DTWD2: variants seen among roughly 807,000 people sequenced by gnomAD.
DTWD2 encodes the protein tRNA-uridine aminocarboxypropyltransferase 2.
In DTWD2, 39 loss-of-function variants were observed where a neutral mutation model predicts 31.8. That is an observed-to-expected ratio of 1.22 (90% CI 0.95 to 1.60). DTWD2 has a LOEUF of 1.60. Ranked by LOEUF, DTWD2 falls within the 40% of genes most tolerant of loss-of-function variation. DTWD2 has a pLI of 0.00. For missense variants in DTWD2, 515 were observed against 381.5 expected (o/e 1.35, Z -2.92); for synonymous variants, 180 against 142.8 (o/e 1.26, Z -1.86).
intron 1 of DTWD2, among the ~76,000 whole-genome samples, chr5:118,953,520 C>T (rs530912155): frequency 6.6e-6 from 1 of 152,182 alleles, no homozygotes; most frequent in African/African-American, 2.4e-5. Flanking sequence ...CTAAGCAACA[C>T]TGTATGTGAT....
chr5:118,971,720 A>C (rs1230731432), intron 1 of DTWD2, among the ~76,000 whole-genome samples: 2 of 152,212 alleles, frequency 1.3e-5, no homozygotes, highest in South Asian at 4.1e-4. Context: ...AAAATTGATC[A>C]CATAATTGGA....
chr5:118,949,180 T>C (rs530426662), intron 1 of DTWD2, among the ~76,000 whole-genome samples: 13 of 152,218 alleles, frequency 8.5e-5, no homozygotes, highest in Middle Eastern at 3.4e-3. Context: ...AAATATTGAA[T>C]AAAGTGAGAA....
intron 4 of DTWD2, among the ~76,000 whole-genome samples, chr5:118,861,738 C>T (rs746780677): frequency 6.6e-6 from 1 of 151,774 alleles, no homozygotes; most frequent in African/African-American, 2.4e-5. Context: ...GTCAGTATAG[C>T]GAAAAGAGCA....
rs550317696 is a variant in DTWD2 at position 118,884,962 on chromosome 5, C to T, written c.598-36744G>A. Among the ~76,000 whole-genome samples the T allele has an allele frequency of 5.1e-3, 712 of 138,494 alleles. 8 individuals carry two copies. Among genetic ancestry groups the T allele is most frequent in the African/African-American group, 0.019 (673 of 35,004 alleles). 90.9% of individuals were successfully genotyped at this position (138,494 alleles called of 152,430 possible). A position where few individuals can be genotyped will look rare whatever the true frequency, so the allele number is the denominator to read the frequency against. On this transcript the variant is annotated intron_variant, in intron 4 of 5. Transcript: ENST00000510708. ...AGTGAGCCGAGACTACGCCACTGCA[C>T]TCCAGTCTGGGGGACAGAGTGAGAC... is the stretch of plus-strand genomic sequence containing the variant.
Position 118,899,528 on chromosome 5 carries a change from GT to G in DTWD2, c.597+29008del, listed in dbSNP as rs1379323828. ...ACAAGCACTGACTGCATACATAAGC[GT>G]TTTCTGGAAGCCGAATATATATACC... On this transcript the variant is annotated intron_variant, in intron 4 of 5. Transcript: ENST00000510708. Among the ~76,000 whole-genome samples the G allele has an allele frequency of 7.9e-5, 12 of 152,158 alleles. No homozygotes were observed. The South Asian group carries it at 2.3e-3, about 29-fold the overall frequency.
intron 4 of DTWD2, among the ~76,000 whole-genome samples, chr5:118,919,546 T>C (rs1202335886): frequency 6.6e-6 from 1 of 152,244 alleles, no homozygotes; most frequent in East Asian, 1.9e-4. Context: ...AAGTGTTCTA[T>C]GCTCAAAAAA....
chr5:118,911,221 T>C (rs1753451840), intron 4 of DTWD2, among the ~76,000 whole-genome samples: 1 of 152,214 alleles, frequency 6.6e-6, no homozygotes, highest in Non-Finnish European at 1.5e-5. Context: ...ATTGTGCCAC[T>C]GGAGCACCCG....
chr5:118,850,114 G>A (rs1430322359), intron 4 of DTWD2, among the ~76,000 whole-genome samples: 1 of 151,728 alleles, frequency 6.6e-6, no homozygotes, highest in Non-Finnish European at 1.5e-5. Context: ...GGGATAACTG[G>A]TTAACTATAT....
intron 1 of DTWD2, among the ~76,000 whole-genome samples, chr5:118,978,779 G>A (rs969660277): frequency 6.6e-6 from 1 of 152,120 alleles, no homozygotes; most frequent in East Asian, 1.9e-4. Context: ...GCCAAGGAGG[G>A]TGGATCACTT....
At chr5:118,899,687 T>C (rs762804395) in intron 4 of DTWD2, among the ~76,000 whole-genome samples, 3 of 152,198 alleles carry the variant, frequency 2.0e-5, no homozygotes, top group Non-Finnish European at 2.9e-5. Context: ...CCTGTCATTA[T>C]GCCCTCCCTA....
At chr5:118,897,376 C>T (rs1289344671) in intron 4 of DTWD2, among the ~76,000 whole-genome samples, 3 of 152,184 alleles carry the variant, frequency 2.0e-5, no homozygotes, top group African/African-American at 7.2e-5. Flanking sequence ...GGAGGTTAGT[C>T]ACCTAGGCAC....
At chr5:118,878,897 T>C (rs991548434) in intron 4 of DTWD2, among the ~76,000 whole-genome samples, 4 of 152,100 alleles carry the variant, frequency 2.6e-5, no homozygotes, top group African/African-American at 9.7e-5. Flanking sequence ...AAGCTCAATA[T>C]CACTGATCAT....
chr5:118,845,845 C>CT (rs922517003), intron 5 of DTWD2, among the ~76,000 whole-genome samples: 14 of 151,888 alleles, frequency 9.2e-5, no homozygotes, highest in Non-Finnish European at 1.3e-4. Flanking sequence ...ATAAGGATTC[C>CT]TTTTTTTTGT....
At chr5:118,894,705 G>A (rs1753043933) in intron 4 of DTWD2, among the ~76,000 whole-genome samples, 1 of 152,158 alleles carries the variant, frequency 6.6e-6, no homozygotes, top group Non-Finnish European at 1.5e-5. Context: ...AGGAATACAA[G>A]CATGTTCAAC....
chr5:118,935,298 C>T (rs1238535868), intron 3 of DTWD2, among the ~76,000 whole-genome samples: 1 of 152,126 alleles, frequency 6.6e-6, no homozygotes, highest in South Asian at 2.1e-4. Context: ...TTCTAACTAA[C>T]TGAACCCAAA....
Position 118,988,085 on chromosome 5 carries a change from G to A in DTWD2, c.218+209C>T, listed in dbSNP as rs537051103. The A allele has an allele frequency of 1.8e-3, 1,315 of 726,962 alleles. 25 individuals carry two copies. The South Asian group carries it at 0.019, about 10-fold the overall frequency. The allele number at this position is 726,962 out of a possible 1,614,324, so 45.0% of individuals were successfully genotyped here. ...CCATGATACGCTCAGCATATTGCAG[G>A]AAGTAAGGTTAGATAATCATGAACC... On this transcript the variant is annotated intron_variant, in intron 1 of 5. Coordinates refer to ENST00000510708, the MANE Select transcript of DTWD2 (RefSeq NM_173666.4).
At chr5:118,973,198 CTCTT>C (rs1479303285) in intron 1 of DTWD2, among the ~76,000 whole-genome samples, 3 of 151,514 alleles carry the variant, frequency 2.0e-5, no homozygotes, top group Non-Finnish European at 4.4e-5. Flanking sequence ...TGGGTCTTGA[CTCTT>C]TATCCAATTT....
chr5:118,851,141 C>A (rs1334317014), intron 4 of DTWD2, among the ~76,000 whole-genome samples: 1 of 150,160 alleles, frequency 6.7e-6, no homozygotes, highest in South Asian at 2.1e-4. Flanking sequence ...ATCACTTGAA[C>A]CTGAGAGGCA....
At chr5:118,851,046 A>G (rs1012925860) in intron 4 of DTWD2, among the ~76,000 whole-genome samples, 2 of 152,050 alleles carry the variant, frequency 1.3e-5, no homozygotes, top group Middle Eastern at 3.2e-3. Flanking sequence ...TGGGAGTTCA[A>G]GACCAGCCTG....
Sources: allele counts gnomAD v4.1 joint callset (sites outside exome capture counted in the v4.1 genomes callset), GRCh38; gene constraint gnomAD v4.1.1; transcripts MANE v1.5; gene names NCBI Gene and HGNC (gene_info 2026-07-23, HGNC 2026-07-21).